The following ASB15 variants were observed in gnomAD, a reference collection of about 807,000 sequenced individuals.
ASB15 encodes the protein ankyrin repeat and SOCS box containing 15.
In ASB15, 54 loss-of-function variants were observed where a neutral mutation model predicts 58.0. The observed-to-expected ratio is 0.93, with a 90% CI of 0.75 to 1.17. ASB15 has a LOEUF of 1.17. Among genes scored for constraint, ASB15 ranks in the 50% most tolerant of loss-of-function variants. The pLI is 0.00. For synonymous variants in ASB15, 249 were observed against 262.4 expected (o/e 0.95, Z 0.50); for missense variants, 680 against 707.4 (o/e 0.96, Z 0.44).
intron 1 of ASB15, among the ~76,000 whole-genome samples, chr7:123,574,624 T>C (rs1245372579): frequency 6.6e-6 from 1 of 152,176 alleles, no homozygotes; most frequent in Non-Finnish European, 1.5e-5. Flanking sequence ...CATATCTACA[T>C]TCCCAAGTTT....
intron 1 of ASB15, among the ~76,000 whole-genome samples, chr7:123,580,984 A>C (rs570912267): frequency 1.1e-4 from 16 of 151,886 alleles, no homozygotes; most frequent in Non-Finnish European, 1.3e-4. Flanking sequence ...CAGGAAACCA[A>C]ACCAACAGGC....
At chr7:123,603,512 G>A (rs1314683679) in intron 1 of ASB15, among the ~76,000 whole-genome samples, 1 of 152,178 alleles carries the variant, frequency 6.6e-6, no homozygotes, top group Non-Finnish European at 1.5e-5. Flanking sequence ...AAGAGGGTTT[G>A]TAGCTGGATA....
chr7:123,579,822 G>A (rs1208116369), intron 1 of ASB15, among the ~76,000 whole-genome samples: 1 of 152,010 alleles, frequency 6.6e-6, no homozygotes, highest in Non-Finnish European at 1.5e-5. Context: ...TTCCTATTTA[G>A]ACATTTAGTT....
At chr7:123,591,896 C>G (rs1459268346) in intron 1 of ASB15, among the ~76,000 whole-genome samples, 1 of 152,108 alleles carries the variant, frequency 6.6e-6, no homozygotes, top group African/African-American at 2.4e-5. Flanking sequence ...CTTTGTACCT[C>G]TGGTAGAATT....
At chr7:123,572,328 G>C (rs1267178276) in intron 1 of ASB15, among the ~76,000 whole-genome samples, 1 of 151,358 alleles carries the variant, frequency 6.6e-6, no homozygotes, top group Non-Finnish European at 1.5e-5. Flanking sequence ...TTTTAGTAGA[G>C]ACAGGTTTCA....
At chr7:123,634,502 C>T (rs2116684807) in intron 11 of ASB15, among the ~76,000 whole-genome samples, 1 of 152,100 alleles carries the variant, frequency 6.6e-6, no homozygotes, top group African/African-American at 2.4e-5. Context: ...AATAGGGCTG[C>T]AATGAATATA....
intron 7 of ASB15, among the ~76,000 whole-genome samples, chr7:123,624,091 G>A (rs1801601849): frequency 6.6e-6 from 1 of 151,972 alleles, no homozygotes; most frequent in African/African-American, 2.4e-5. Flanking sequence ...TTTCTATAGG[G>A]GAAACCTGAT....
At chr7:123,621,622 T>A (rs142577123) in intron 7 of ASB15, 5 of 152,336 alleles carry the variant, frequency 3.3e-5, no homozygotes, top group African/African-American at 9.6e-5. Flanking sequence ...GGCATCATCC[T>A]TATCTCTATT....
At chr7:123,616,992 CAG>C (rs1270143679) in intron 6 of ASB15, among the ~76,000 whole-genome samples, 1 of 151,990 alleles carries the variant, frequency 6.6e-6, no homozygotes, top group African/African-American at 2.4e-5. Flanking sequence ...TAAATATTAA[CAG>C]TAACTTTTAT....
upstream of ASB15, among the ~76,000 whole-genome samples, chr7:123,601,348 A>G (rs1799873879): frequency 6.6e-6 from 1 of 152,188 alleles, no homozygotes; most frequent in South Asian, 2.1e-4. Context: ...TGACTGCCCT[A>G]TCTCCGTCTG....
chr7:123,622,715 A>G (rs1384613863), intron 7 of ASB15: 1 of 152,214 alleles, frequency 6.6e-6, no homozygotes, highest in Non-Finnish European at 1.5e-5. Flanking sequence ...CCATGAGGAC[A>G]CATTTCTCTT....
chr7:123,586,491 T>C (rs1799377729), intron 1 of ASB15, among the ~76,000 whole-genome samples: 1 of 151,812 alleles, frequency 6.6e-6, no homozygotes, highest in Non-Finnish European at 1.5e-5. Context: ...TTGTAAATAT[T>C]TTCTCCCTTG....
Position 123,626,215 on chromosome 7 carries a change from T to G in ASB15, c.698-895T>G, listed in dbSNP as rs141192769. 7.6e-3 allele frequency among the ~76,000 whole-genome samples: 1,150 copies of G among 152,294 alleles called. 14 individuals are homozygous for G. Among genetic ancestry groups the G allele is most frequent in the African/African-American group, 0.026 (1,073 of 41,556 alleles). On this transcript the variant is annotated intron_variant, in intron 8 of 11. Coordinates refer to ENST00000451215, the MANE Select transcript of ASB15 (RefSeq NM_001290258.2). ...ACTGTAAGTATTTGTTAAGTTAAAATAGAGGGGGCCGGGCACCATGGCTCA... is the reference window on the plus strand; with the variant it reads ...ACTGTAAGTATTTGTTAAGTTAAAAGAGAGGGGGCCGGGCACCATGGCTCA...
At chr7:123,582,930 C>G (rs993260019) in intron 1 of ASB15, among the ~76,000 whole-genome samples, 1 of 151,944 alleles carries the variant, frequency 6.6e-6, no homozygotes, top group Non-Finnish European at 1.5e-5. Flanking sequence ...AACTTGGTAC[C>G]ATGAAAGAAA....
At chr7:123,583,599 C>A (rs567614559) in intron 1 of ASB15, among the ~76,000 whole-genome samples, 3 of 151,812 alleles carry the variant, frequency 2.0e-5, no homozygotes, top group African/African-American at 7.3e-5. Flanking sequence ...TTTGATAAAT[C>A]AACAACCCTT....
chr7:123,589,406 G>T (rs1186227570), intron 1 of ASB15, among the ~76,000 whole-genome samples: 1 of 151,538 alleles, frequency 6.6e-6, no homozygotes, highest in Non-Finnish European at 1.5e-5. Context: ...GTGCCATAGT[G>T]GTGTGCTGCA....
chr7:123,582,193 C>T (rs941746380), intron 1 of ASB15, among the ~76,000 whole-genome samples: 1 of 151,940 alleles, frequency 6.6e-6, no homozygotes, highest in South Asian at 2.1e-4. Flanking sequence ...CAGGCCCAGA[C>T]CACTTTGAGG....
intron 11 of ASB15, among the ~76,000 whole-genome samples, chr7:123,631,897 T>C (rs1039277320): frequency 5.3e-5 from 8 of 151,984 alleles, no homozygotes; most frequent in African/African-American, 1.7e-4. Flanking sequence ...GCTAACAAGG[T>C]GAAACCCCGT....
intron 1 of ASB15, among the ~76,000 whole-genome samples, chr7:123,589,881 T>C (rs562875693): frequency 2.0e-5 from 3 of 152,300 alleles, no homozygotes; most frequent in African/African-American, 7.2e-5. Context: ...TCCAGATCCT[T>C]GAGGAATCGC....
Sources: allele counts gnomAD v4.1 joint callset (sites outside exome capture counted in the v4.1 genomes callset), GRCh38; gene constraint gnomAD v4.1.1; transcripts MANE v1.5; gene names NCBI Gene and HGNC (gene_info 2026-07-23, HGNC 2026-07-21).